JARID2: variants seen among roughly 807,000 people sequenced by gnomAD.
JARID2 encodes the protein protein Jumonji.
JARID2 carries 21 observed loss-of-function variants against 125.6 expected under a neutral mutation model. The observed-to-expected ratio is 0.17, with a 90% confidence interval of 0.12 to 0.24. JARID2 has a LOEUF of 0.24. JARID2 is among the 10% of genes least tolerant of loss of function. The pLI is 1.00. For missense variants in JARID2, 1,303 were observed against 1,639.6 expected, an observed-to-expected ratio of 0.79 and a Z score of 3.55; for synonymous variants, 736 against 661.6, an observed-to-expected ratio of 1.11 and a Z score of -1.73.
At chr6:15,492,034 C>G (rs1770173808) in intron 6 of JARID2, among the ~76,000 whole-genome samples, 1 of 152,232 alleles carries the variant, frequency 6.6e-6, no homozygotes, top group South Asian at 2.1e-4. Flanking sequence ...TAAATTGAAA[C>G]CATTCTCTTA....
rs561238062 is a variant in JARID2 at position 15,263,074 on chromosome 6, TTGTGTGTGTGTGTGTGTG to T, written c.45+16517_45+16534del. 5.4e-3 allele frequency among the ~76,000 whole-genome samples: 759 copies of T among 139,812 alleles called. 5 individuals are homozygous for T. Among genetic ancestry groups the T allele is most frequent in the South Asian group, 0.039 (169 of 4,282 alleles). 91.7% of individuals were successfully genotyped at this position (139,812 alleles called of 152,430 possible). A position where few individuals can be genotyped will look rare whatever the true frequency, so the allele number is the denominator to read the frequency against. On this transcript the variant is annotated intron_variant, in intron 1 of 17. Transcript: ENST00000341776. Reference sequence around the variant, plus strand: ...AGCTTGCCCTTTGGAGGGTGTGTGTTTGTGTGTGTGTGTGTGTGTGTGTGTGTGTGTGTGTGTGTGTGT... The same window carrying T: ...AGCTTGCCCTTTGGAGGGTGTGTGTTTGTGTGTGTGTGTGTGTGTGTGTGT...
chr6:15,295,960 A>G (rs1189092727), intron 1 of JARID2, among the ~76,000 whole-genome samples: 1 of 152,196 alleles, frequency 6.6e-6, no homozygotes, highest in Non-Finnish European at 1.5e-5. Context: ...TGTGCCTGGC[A>G]GGGTTTTATA....
intron 4 of JARID2, 83 bp from the exon 5 acceptor site, chr6:15,468,459 G>A: frequency 1.6e-6 from 2 of 1,242,212 alleles, no homozygotes. Flanking sequence ...TTTTCTCCTC[G>A]GTTTTGTTTC....
chr6:15,494,420 T>TTTTTTTC (rs1450253412), intron 6 of JARID2, among the ~76,000 whole-genome samples: 2 of 136,304 alleles, frequency 1.5e-5, no homozygotes, highest in African/African-American at 5.5e-5. Context: ...AGTCTTTTTT[T>TTTTTTTC]TTTTTTTTTT....
chr6:15,503,734 C>T (rs180764619), intron 8 of JARID2, among the ~76,000 whole-genome samples: 42 of 152,288 alleles, frequency 2.8e-4, no homozygotes, highest in Admixed American at 1.9e-3. Flanking sequence ...CAAATGTGCC[C>T]GGTCAAGTAA....
intron 3 of JARID2, among the ~76,000 whole-genome samples, chr6:15,423,795 C>T (rs1450750197): frequency 6.6e-6 from 1 of 152,140 alleles, no homozygotes; most frequent in East Asian, 1.9e-4. Flanking sequence ...CCCTTGGGGC[C>T]GTGATAGGGA....
chr6:15,306,606 G>A (rs1202543247), intron 1 of JARID2, among the ~76,000 whole-genome samples: 2 of 151,774 alleles, frequency 1.3e-5, no homozygotes, highest in African/African-American at 4.8e-5. Flanking sequence ...CCAAAGTACT[G>A]GGATTACAGG....
intron 3 of JARID2, among the ~76,000 whole-genome samples, chr6:15,441,803 A>G (rs887852582): frequency 6.6e-6 from 1 of 151,546 alleles, no homozygotes; most frequent in Non-Finnish European, 1.5e-5. Flanking sequence ...ATTTTATTTT[A>G]TTTTTGAGAT....
At chr6:15,248,827 G>T (rs1301589890) in intron 1 of JARID2, 13 of 827,390 alleles carry the variant, frequency 1.6e-5, no homozygotes, top group East Asian at 1.3e-4. Context: ...CTCCAGGCGC[G>T]GCGGGGCGGC....
At chr6:15,301,278 C>G (rs1168817593) in intron 1 of JARID2, among the ~76,000 whole-genome samples, 1 of 152,088 alleles carries the variant, frequency 6.6e-6, no homozygotes, top group Non-Finnish European at 1.5e-5. Flanking sequence ...TCACAGAGTG[C>G]CGAGAGTATT....
At chr6:15,490,564 C>G (rs1050489981) in intron 6 of JARID2, among the ~76,000 whole-genome samples, 4 of 152,208 alleles carry the variant, frequency 2.6e-5, no homozygotes, top group African/African-American at 9.6e-5. Flanking sequence ...CGTTTACTCT[C>G]GATTATACCA....
chr6:15,361,139 C>T lies in JARID2; in HGVS notation c.46-12978C>T, dbSNP rs184383416. 1.1e-3 allele frequency among the ~76,000 whole-genome samples: 173 copies of T among 152,198 alleles called. 1 individual carries two copies. The highest frequency in any genetic ancestry group is 3.3e-3 in the Admixed American group (50 of 15,294). ...TGAGTTGAAAACCTTTGGATGTATT[C>T]GACTCCCTTTTTTCACACACGCCAC... On this transcript the variant is annotated intron_variant, in intron 1 of 17. Coordinates refer to ENST00000341776, the MANE Select transcript of JARID2 (RefSeq NM_004973.4).
intron 6 of JARID2, among the ~76,000 whole-genome samples, chr6:15,491,517 G>C (rs1270033813): frequency 6.6e-6 from 1 of 152,214 alleles, no homozygotes; most frequent in Non-Finnish European, 1.5e-5. Context: ...TTCTCTCTCT[G>C]GGCCTCTGGT....
Position 15,406,127 on chromosome 6 carries a change from G to A in JARID2, c.182-4097G>A, listed in dbSNP as rs576802209. On this transcript the variant is annotated intron_variant, in intron 2 of 17. Transcript: ENST00000341776. Reference sequence around the variant, plus strand: ...AGAATAAAGTCAGTCTTGCGCCTTCGTAAGGGCCAGTAAAATCTATGGTCC... The same window carrying A: ...AGAATAAAGTCAGTCTTGCGCCTTCATAAGGGCCAGTAAAATCTATGGTCC... Among the ~76,000 whole-genome samples the A allele has an allele frequency of 2.6e-5, 4 of 152,140 alleles. No individual in the cohort carries two copies. The South Asian group carries it at 6.2e-4, about 24-fold the overall frequency.
intron 2 of JARID2, among the ~76,000 whole-genome samples, chr6:15,400,040 T>C (rs1235629038): frequency 6.6e-6 from 1 of 152,182 alleles, no homozygotes; most frequent in Non-Finnish European, 1.5e-5. Flanking sequence ...TGGCCAGCCC[T>C]CAGTTGGACT....
chr6:15,438,191 G>A (rs1003827067), intron 3 of JARID2, among the ~76,000 whole-genome samples: 9 of 152,160 alleles, frequency 5.9e-5, no homozygotes, highest in African/African-American at 2.2e-4. Flanking sequence ...TCCCAGGACT[G>A]ATATATGGCT....
At chr6:15,335,180 A>C (rs1762837436) in intron 1 of JARID2, among the ~76,000 whole-genome samples, 1 of 151,758 alleles carries the variant, frequency 6.6e-6, no homozygotes, top group African/African-American at 2.4e-5. Context: ...GCTCACTGCA[A>C]CCTCCGTCTC....
chr6:15,513,305 C>T lies in JARID2; in HGVS notation c.3333C>T (p.Gly1111=), dbSNP rs750003945. 1.2e-6 allele frequency: 2 copies of T among 1,605,558 alleles called. No individual in the cohort carries two copies. The highest frequency in any genetic ancestry group is 1.7e-6 in the Non-Finnish European group (2 of 1,176,904). The part of the protein sequence containing the change: ...EAGLHSSARY[G]SHDGSSTVAD... ...GCCTCCACTCCTCCGCACGCTATGG[C>T]AGCCACGATGGCAGCAGCACGGTGG... Residue 1111 remains glycine, a synonymous_variant, in exon 16 of 18, where the codon GGC becomes GGT. Transcript: ENST00000341776.
intron 1 of JARID2, among the ~76,000 whole-genome samples, chr6:15,268,235 A>G (rs891689855): frequency 6.6e-6 from 1 of 152,244 alleles, no homozygotes; most frequent in Non-Finnish European, 1.5e-5. Flanking sequence ...TTAAAAACAC[A>G]GCCTAGAAGC....
Sources: allele counts gnomAD v4.1 joint callset (sites outside exome capture counted in the v4.1 genomes callset), GRCh38; gene constraint gnomAD v4.1.1; transcripts MANE v1.5; gene names NCBI Gene and HGNC (gene_info 2026-07-23, HGNC 2026-07-21).